The following NFIB variants were observed in gnomAD, a reference collection of about 807,000 sequenced individuals.
The protein encoded by NFIB is nuclear factor I B.
In NFIB, 11 loss-of-function variants were observed where a neutral mutation model predicts 61.5. The ratio of observed to expected loss-of-function variants is 0.18; its 90% CI spans 0.11 to 0.30. NFIB has a LOEUF of 0.30. Among genes scored for constraint, NFIB ranks in the 10% least tolerant of loss-of-function variants. The pLI, the probability that NFIB is intolerant of heterozygous loss-of-function variation, is 1.00. For missense variants in NFIB, 471 were observed against 608.9 expected (o/e 0.77, Z 2.38); for synonymous variants, 260 against 216.5 (o/e 1.20, Z -1.76).
intron 1 of NFIB, among the ~76,000 whole-genome samples, chr9:14,328,025 G>C (rs2060775628): frequency 6.6e-6 from 1 of 152,202 alleles, no homozygotes; most frequent in South Asian, 2.1e-4. Context: ...CCAACTTTTT[G>C]TTCGAGGATG....
At chr9:14,167,086 G>T (rs566624940) in intron 3 of NFIB, among the ~76,000 whole-genome samples, 8 of 148,490 alleles carry the variant, frequency 5.4e-5, no homozygotes, top group Admixed American at 1.3e-4. Flanking sequence ...TGTGTGTCGG[G>T]GGGGGGGGGT....
rs1035779647 is a variant in NFIB, at chr9:14,112,955, C to T, written c.1467+44G>A. On this transcript the variant is annotated intron_variant, in intron 10 of 10. Transcript: ENST00000380953. The stretch of plus-strand genomic sequence containing the variant: ...GAGGCAACATGGAGAAGCACGGAAG[C>T]GAAAGCGTGGCTACACCGTCACACC... The T allele has an allele frequency of 5.9e-6, 9 of 1,536,036 alleles. No individual in the cohort carries two copies. In the Admixed American group the frequency reaches 9.9e-5, roughly 17 times the overall value.
chr9:14,518,891 T>C, the NFIB span, among the ~76,000 whole-genome samples: 1 of 152,084 alleles, frequency 6.6e-6, no homozygotes, highest in East Asian at 1.9e-4. Flanking sequence ...GCTCAGCCAC[T>C]GGGAGATGGG....
At chr9:14,266,725 T>A (rs561798633) in intron 2 of NFIB, among the ~76,000 whole-genome samples, 3 of 152,244 alleles carry the variant, frequency 2.0e-5, no homozygotes, top group Admixed American at 2.0e-4. Context: ...CTTCCCCTCC[T>A]CCCTCTCCCT....
intron 6 of NFIB, among the ~76,000 whole-genome samples, chr9:14,146,306 T>C (rs1164236861): frequency 6.6e-6 from 1 of 152,150 alleles, no homozygotes; most frequent in South Asian, 2.1e-4. Context: ...TTCCTGGCAC[T>C]TGCAAACTGC....
At chr9:14,321,337 G>C (rs2060655107) in intron 1 of NFIB, among the ~76,000 whole-genome samples, 1 of 152,160 alleles carries the variant, frequency 6.6e-6, no homozygotes, top group East Asian at 1.9e-4. Flanking sequence ...TAAAAAGTTG[G>C]TGGGGGGTGC....
intron 9 of NFIB, 82 bp from the exon 10 acceptor site, chr9:14,113,163 G>A (rs1660439756): frequency 3.1e-6 from 4 of 1,272,988 alleles, no homozygotes; most frequent in South Asian, 1.6e-5. Context: ...GAAACCCAGA[G>A]AAGTGGGATT....
chr9:14,259,815 G>T (rs539362449), intron 2 of NFIB, among the ~76,000 whole-genome samples: 24 of 152,174 alleles, frequency 1.6e-4, no homozygotes, highest in Admixed American at 1.6e-3. Context: ...TGAGGCACGA[G>T]AATCGCTTGA....
intron 2 of NFIB, among the ~76,000 whole-genome samples, chr9:14,280,966 C>A (rs4144136): frequency 0.95 from 145,421 of 152,278 alleles, 69,546 homozygotes; most frequent in Non-Finnish European, 0.98. Context: ...TATGCAAAGG[C>A]AATTATGGCA....
At chr9:14,109,294 G>A (rs2037005082) in intron 10 of NFIB, among the ~76,000 whole-genome samples, 1 of 152,036 alleles carries the variant, frequency 6.6e-6, no homozygotes, top group South Asian at 2.1e-4. Context: ...TGGGAAACGT[G>A]GTTCCTTCAT....
chr9:14,366,957 C>T (rs1243096877), intron 1 of NFIB, among the ~76,000 whole-genome samples: 1 of 152,136 alleles, frequency 6.6e-6, no homozygotes, highest in Non-Finnish European at 1.5e-5. Context: ...GCCCTGTTTT[C>T]TTTGCATCAG....
chr9:14,380,073 C>G (rs1195553169), intron 1 of NFIB, among the ~76,000 whole-genome samples: 1 of 152,120 alleles, frequency 6.6e-6, no homozygotes, highest in Non-Finnish European at 1.5e-5. Context: ...GCCATTACTT[C>G]TTATTCAAAT....
intron 2 of NFIB, among the ~76,000 whole-genome samples, chr9:14,287,943 C>T (rs761316549): frequency 4.6e-5 from 7 of 152,020 alleles, no homozygotes; most frequent in Non-Finnish European, 1.0e-4. Flanking sequence ...CAAACAAAAA[C>T]CATTTTTTCT....
At chr9:14,392,520 G>C (rs564530900) in intron 1 of NFIB, among the ~76,000 whole-genome samples, 2 of 152,294 alleles carry the variant, frequency 1.3e-5, no homozygotes. Flanking sequence ...TTGAGCCCAG[G>C]AGTTTGAGAC....
At chr9:14,265,331 T>C (rs1246974120) in intron 2 of NFIB, among the ~76,000 whole-genome samples, 1 of 152,148 alleles carries the variant, frequency 6.6e-6, no homozygotes, top group African/African-American at 2.4e-5. Context: ...AGGGCCTTCA[T>C]ATTTGGAGAT....
At chr9:14,369,762 A>G (rs1296976729) in intron 1 of NFIB, among the ~76,000 whole-genome samples, 1 of 152,100 alleles carries the variant, frequency 6.6e-6, no homozygotes, top group Admixed American at 6.5e-5. Flanking sequence ...CCTTTTCATC[A>G]CAGCTTCTAC....
intron 2 of NFIB, among the ~76,000 whole-genome samples, chr9:14,236,332 T>C (rs1456749316): frequency 6.6e-6 from 1 of 152,238 alleles, no homozygotes; most frequent in Non-Finnish European, 1.5e-5. Context: ...AAGCACTCCT[T>C]AATTTCATCA....
chr9:14,280,951 C>T (rs776128241), intron 2 of NFIB, among the ~76,000 whole-genome samples: 1 of 152,092 alleles, frequency 6.6e-6, no homozygotes, highest in African/African-American at 2.4e-5. Flanking sequence ...AACTACAATA[C>T]TTCATATGCA....
chr9:14,220,503 C>T (rs145345663), intron 2 of NFIB, among the ~76,000 whole-genome samples: 35 of 152,234 alleles, frequency 2.3e-4, no homozygotes, highest in African/African-American at 7.9e-4. Context: ...CCCTTTCGAC[C>T]ATACCTAGAG....
Sources: gnomAD v4.1 joint callset for allele counts (sites outside exome capture counted in the v4.1 genomes callset) on GRCh38, gnomAD v4.1.1 for gene constraint, MANE v1.5 for transcripts, NCBI Gene and HGNC (gene_info 2026-07-23, HGNC 2026-07-21) for gene names.